Variants in PSD2 observed in about 807,000 individuals in gnomAD.
PSD2 encodes pleckstrin and Sec7 domain containing 2.
A neutral mutation model predicts 69.8 loss-of-function variants in PSD2; 38 were observed. That is an observed-to-expected ratio of 0.54 (90% CI 0.42 to 0.71). The LOEUF (loss-of-function observed/expected upper bound fraction) is 0.71. PSD2 is among the 30% of genes least tolerant of loss of function. PSD2 has a pLI of 0.00. For missense variants in PSD2, 943 were observed against 1,014.5 expected, an observed-to-expected ratio of 0.93 and a Z score of 0.96; for synonymous variants, 412 against 423.0, an observed-to-expected ratio of 0.97 and a Z score of 0.32.
intron 13 of PSD2, 151 bp downstream of exon 13, chr5:139,838,923 G>A (rs575784122): frequency 1.5e-5 from 12 of 808,760 alleles, no homozygotes; most frequent in African/African-American, 1.4e-4. Context: ...TCCATCCCAA[G>A]CACCCCACCC....
In PSD2 at chr5:139,809,430, C is replaced by A. The variant is rs1561594856; in HGVS notation, c.-11C>A. On this transcript the variant is annotated 5_prime_UTR_variant, in exon 2 of 15. Coordinates refer to ENST00000274710, the MANE Select transcript of PSD2 (RefSeq NM_032289.4). ...CAGGAGCAGCCAGGACAGGCGGAAG[C>A]AGTGGCTGCCATGGAGGAGGACAAG... The A allele has an allele frequency of 6.2e-7, 1 of 1,608,418 alleles. No individual in the cohort carries two copies. Among genetic ancestry groups the A allele is most frequent in the Non-Finnish European group, 8.5e-7 (1 of 1,178,522 alleles).
chr5:139,764,918 T>A, the PSD2 span, among the ~76,000 whole-genome samples: 9 of 152,056 alleles, frequency 5.9e-5, no homozygotes, highest in African/African-American at 2.2e-4. Context: ...GCTGTGAAAG[T>A]GGCGCTGTTG....
chr5:139,781,719 C>T, the PSD2 span, among the ~76,000 whole-genome samples: 3 of 151,788 alleles, frequency 2.0e-5, no homozygotes, highest in East Asian at 1.9e-4. Flanking sequence ...CTGCAACCTC[C>T]GCCTCCTGGG....
At chr5:139,792,393 C>A (rs572767201), upstream of PSD2, among the ~76,000 whole-genome samples, 1 of 152,222 alleles carries the variant, frequency 6.6e-6, no homozygotes, top group African/African-American at 2.4e-5. Flanking sequence ...CTGTCCCTGC[C>A]CAAGGTGCTG....
At chr5:139,756,486 C>T in the PSD2 span, among the ~76,000 whole-genome samples, 12 of 152,196 alleles carry the variant, frequency 7.9e-5, no homozygotes, top group Non-Finnish European at 1.3e-4. Context: ...TTGGGGTGAC[C>T]AGGTGGTCAG....
intron 1 of PSD2, among the ~76,000 whole-genome samples, chr5:139,797,530 C>T (rs781123701): frequency 3.2e-4 from 49 of 152,184 alleles, no homozygotes; most frequent in Admixed American, 3.0e-3. Flanking sequence ...ATGGGGTGCA[C>T]GCTCCACAAG....
At chr5:139,798,832 G>C (rs1224249916) in intron 1 of PSD2, among the ~76,000 whole-genome samples, 2 of 152,054 alleles carry the variant, frequency 1.3e-5, no homozygotes, top group Non-Finnish European at 2.9e-5. Context: ...CTAACATGTA[G>C]TCCATATTTA....
In PSD2 at chr5:139,817,490, T is replaced by TA; in HGVS notation, c.1027dup (p.Ser343LysfsTer40). The stretch of plus-strand genomic sequence containing the variant: ...CATACTCTCCTGGCAGCAACGAGTT[T>TA]AGCAGGCTGGTGGCCGGGGAGTACC... On this transcript the variant is annotated frameshift_variant, in exon 5 of 15. Coordinates refer to ENST00000274710, the MANE Select transcript of PSD2 (RefSeq NM_032289.4). LOFTEE classifies it high-confidence loss of function. 1 of 1,614,056 alleles carries TA rather than the reference T, an allele frequency of 6.2e-7. No homozygotes were observed. Among genetic ancestry groups the TA allele is most frequent in the Non-Finnish European group, 8.5e-7 (1 of 1,179,914 alleles).
chr5:139,832,043 C>T (rs1760608873), intron 7 of PSD2, among the ~76,000 whole-genome samples: 2 of 152,182 alleles, frequency 1.3e-5, no homozygotes, highest in South Asian at 4.1e-4. Flanking sequence ...TCTCCACACT[C>T]CCCTGCAGGA....
At chr5:139,750,284 C>T in the PSD2 span, among the ~76,000 whole-genome samples, 13 of 152,214 alleles carry the variant, frequency 8.5e-5, no homozygotes, top group Admixed American at 2.6e-4. Context: ...GAGATCATGC[C>T]ACTGCACTCC....
At chr5:139,766,928 C>CTTTCTTTCTTTCTTTCTTT in the PSD2 span, among the ~76,000 whole-genome samples, 5 of 31,240 alleles carry the variant, frequency 1.6e-4, no homozygotes, top group Middle Eastern at 0.015. Flanking sequence ...TTCCTTCCTT[C>CTTTCTTTCTTTCTTTCTTT]CCTTCTTTCT....
chr5:139,756,078 G>A, the PSD2 span, among the ~76,000 whole-genome samples: 122,066 of 152,140 alleles, frequency 0.8, 50,513 homozygotes, highest in East Asian at 0.9. Context: ...CCCCAGTCAC[G>A]CTGCTCTGGG....
the PSD2 span, among the ~76,000 whole-genome samples, chr5:139,784,200 A>C: frequency 6.6e-6 from 1 of 151,736 alleles, no homozygotes; most frequent in African/African-American, 2.4e-5. Context: ...TCTGCCTCCC[A>C]AAGTGGTGGG....
intron 7 of PSD2, 63 bp from the exon 8 acceptor site, chr5:139,833,639 G>C: frequency 8.6e-7 from 1 of 1,159,520 alleles, no homozygotes; most frequent in Non-Finnish European, 1.3e-6. Context: ...GGCAGGGCAG[G>C]GTGTGTGGGG....
Position 139,822,745 on chromosome 5 carries a change from C to T in PSD2, c.1230C>T (p.Thr410=), listed in dbSNP as rs1760303803. The change falls in exon 7 of 15, where the codon ACC becomes ACT. Residue 410 remains threonine, a synonymous_variant. Transcript: ENST00000274710. ...ACTCAGATGGGATCCACACGCTCAC[C>T]TGTGCCCTGATGCTGCTCAACACGG... ...STSEDGIHTL[T]CALMLLNTDL... is the part of the protein sequence containing the mutation. 6.2e-7 allele frequency: 1 copy of T among 1,611,232 alleles called. No individual in the cohort carries two copies.
At chr5:139,810,851 T>C (rs552977751) in intron 2 of PSD2, among the ~76,000 whole-genome samples, 24 of 152,114 alleles carry the variant, frequency 1.6e-4, no homozygotes, top group African/African-American at 5.8e-4. Context: ...GTGGCATCTT[T>C]ACTTGGGATG....
In PSD2 at chr5:139,825,032, G is replaced by A. The variant is rs139170073; in HGVS notation, c.1269+2248G>A. ...TGGGGAGGATTTGTGTAGAAGAGGC[G>A]CTGGGACCCTTGAGGTTGGAGGCTC... On this transcript the variant is annotated intron_variant, in intron 7 of 14. Transcript: ENST00000274710. Among the ~76,000 whole-genome samples, 409 of 152,302 alleles carry A rather than the reference G, an allele frequency of 2.7e-3. 1 individual carries two copies. Among genetic ancestry groups the A allele is most frequent in the African/African-American group, 9.2e-3 (382 of 41,576 alleles).
intron 1 of PSD2, among the ~76,000 whole-genome samples, chr5:139,796,490 G>A (rs796139465): frequency 2.9e-4 from 44 of 152,352 alleles, no homozygotes; most frequent in African/African-American, 1.0e-3. Context: ...AGCCCTGCTT[G>A]GCGGCCAGGC....
chr5:139,766,961 C>A, the PSD2 span, among the ~76,000 whole-genome samples: 1 of 136,910 alleles, frequency 7.3e-6, no homozygotes, highest in African/African-American at 2.8e-5. Context: ...TTCTTTCTTT[C>A]TTTCTTTCTT....
Sources: gnomAD v4.1 joint callset for allele counts (sites outside exome capture counted in the v4.1 genomes callset) on GRCh38, gnomAD v4.1.1 for gene constraint, MANE v1.5 for transcripts, NCBI Gene and HGNC (gene_info 2026-07-23, HGNC 2026-07-21) for gene names.